RPRD1A: variants seen among roughly 807,000 people sequenced by gnomAD.
RPRD1A encodes regulation of nuclear pre-mRNA domain-containing protein 1A.
In RPRD1A, 9 loss-of-function variants were observed where a neutral mutation model predicts 37.8. That is an observed-to-expected ratio of 0.24 (90% confidence interval 0.14 to 0.42). RPRD1A has a LOEUF of 0.42. RPRD1A is among the 10% of genes least tolerant of loss of function. RPRD1A has a pLI of 1.00. For synonymous variants in RPRD1A, 138 were observed against 139.7 expected, an observed-to-expected ratio of 0.99 and a Z score of 0.08; for missense variants, 255 against 371.0, an observed-to-expected ratio of 0.69 and a Z score of 2.57.
At chr18:36,055,820 TAA>T (rs547844515) in intron 1 of RPRD1A, among the ~76,000 whole-genome samples, 13 of 151,846 alleles carry the variant, frequency 8.6e-5, no homozygotes, top group Admixed American at 2.0e-4. Context: ...GAAAACATAA[TAA>T]AGAGTATAAC....
intron 1 of RPRD1A, among the ~76,000 whole-genome samples, chr18:36,054,004 G>A (rs959544329): frequency 1.3e-5 from 2 of 152,162 alleles, no homozygotes; most frequent in African/African-American, 4.8e-5. Context: ...GAATGGGAAT[G>A]GGGGAAGATG....
At chr18:35,995,520 G>A (rs150094201) in intron 6 of RPRD1A, among the ~76,000 whole-genome samples, 166 of 152,110 alleles carry the variant, frequency 1.1e-3, no homozygotes, top group African/African-American at 3.7e-3. Flanking sequence ...CACCTGCCTT[G>A]GCCTCCCAAA....
intron 1 of RPRD1A, 150 bp from the exon 2 acceptor site, chr18:36,033,987 A>G: frequency 1.7e-6 from 1 of 576,312 alleles, no homozygotes; most frequent in Non-Finnish European, 2.8e-6. Flanking sequence ...TTACTACCAA[A>G]CTAACCAGTC....
chr18:36,024,582 T>A (rs967649315), intron 6 of RPRD1A, among the ~76,000 whole-genome samples: 3 of 152,192 alleles, frequency 2.0e-5, no homozygotes, highest in African/African-American at 7.2e-5. Flanking sequence ...AATAATGGCT[T>A]CCTTAAGAAA....
intron 6 of RPRD1A, among the ~76,000 whole-genome samples, chr18:36,007,043 TCTTTA>T (rs1909790402): frequency 6.6e-6 from 1 of 152,240 alleles, no homozygotes; most frequent in Admixed American, 6.5e-5. Flanking sequence ...TTTTTTCTTT[TCTTTA>T]CTTTCAGATT....
At chr18:36,048,990 C>T (rs1489102159) in intron 1 of RPRD1A, among the ~76,000 whole-genome samples, 1 of 152,222 alleles carries the variant, frequency 6.6e-6, no homozygotes, top group Non-Finnish European at 1.5e-5. Flanking sequence ...CAACCTCCGC[C>T]TCCCAGGTTC....
At chr18:36,008,473 G>C (rs1259653900) in intron 6 of RPRD1A, among the ~76,000 whole-genome samples, 2 of 149,242 alleles carry the variant, frequency 1.3e-5, no homozygotes, top group Non-Finnish European at 3.0e-5. Flanking sequence ...TTATTCAGGA[G>C]GCTGAGTAGT....
chr18:36,036,033 T>C (rs1912167621), intron 1 of RPRD1A, among the ~76,000 whole-genome samples: 1 of 152,058 alleles, frequency 6.6e-6, no homozygotes, highest in Admixed American at 6.5e-5. Context: ...TTAACACTAC[T>C]GGACTGTACA....
intron 6 of RPRD1A, among the ~76,000 whole-genome samples, chr18:36,000,858 T>C (rs1025747916): frequency 6.6e-6 from 1 of 152,210 alleles, no homozygotes; most frequent in Non-Finnish European, 1.5e-5. Context: ...GCTTTACCAT[T>C]ATGCTAACCT....
intron 6 of RPRD1A, among the ~76,000 whole-genome samples, chr18:36,016,913 G>T (rs1910625047): frequency 6.6e-6 from 1 of 151,978 alleles, no homozygotes; most frequent in Non-Finnish European, 1.5e-5. Flanking sequence ...TCTAAATCTT[G>T]CCAAAAGGTA....
intron 1 of RPRD1A, among the ~76,000 whole-genome samples, chr18:36,058,835 C>A (rs566598924): frequency 1.3e-5 from 2 of 152,268 alleles, no homozygotes; most frequent in East Asian, 3.9e-4. Flanking sequence ...CTCATTCTCT[C>A]ACAAGCGTAC....
chr18:36,061,817 AG>A (rs1375475171), intron 1 of RPRD1A, among the ~76,000 whole-genome samples: 1 of 152,216 alleles, frequency 6.6e-6, no homozygotes, highest in Non-Finnish European at 1.5e-5. Context: ...ATTTTAAAAT[AG>A]GCAGAATAGA....
chr18:36,018,204 G>A (rs1001970168), intron 6 of RPRD1A, among the ~76,000 whole-genome samples: 2 of 151,062 alleles, frequency 1.3e-5, no homozygotes, highest in African/African-American at 2.4e-5. Flanking sequence ...ATTTATTAAA[G>A]TATCATTCTT....
chr18:36,040,723 C>T lies in RPRD1A; in HGVS notation c.152-6886G>A, dbSNP rs1912521077. ...CATTTTTCTATGCAGTACCTCCTTACCCACATCTAATCATCCCTAAAAATT... is the reference window on the plus strand; with the variant it reads ...CATTTTTCTATGCAGTACCTCCTTATCCACATCTAATCATCCCTAAAAATT... On this transcript the variant is annotated intron_variant, in intron 1 of 6. Coordinates refer to ENST00000399022, the MANE Select transcript of RPRD1A (RefSeq NM_018170.5). 4.0e-6 allele frequency: 3 copies of T among 745,358 alleles called. No homozygotes were observed. In the Admixed American group the frequency reaches 8.7e-5, roughly 22 times the overall value. 46.2% of individuals were successfully genotyped at this position (745,358 alleles called of 1,614,324 possible). A position where few individuals can be genotyped will look rare whatever the true frequency, so the allele number is the denominator to read the frequency against.
At chr18:36,057,991 A>C (rs1913911837) in intron 1 of RPRD1A, among the ~76,000 whole-genome samples, 1 of 152,216 alleles carries the variant, frequency 6.6e-6, no homozygotes, top group Non-Finnish European at 1.5e-5. Flanking sequence ...CTTGTTCACT[A>C]AGACAGTAAG....
intron 6 of RPRD1A, among the ~76,000 whole-genome samples, chr18:36,010,216 C>A (rs1393181118): frequency 6.6e-6 from 1 of 151,988 alleles, no homozygotes; most frequent in Non-Finnish European, 1.5e-5. Flanking sequence ...ACCTGTAATG[C>A]CAGCACCTTT....
chr18:36,012,730 G>T (rs557669339), intron 6 of RPRD1A, among the ~76,000 whole-genome samples: 1 of 152,236 alleles, frequency 6.6e-6, no homozygotes, highest in East Asian at 1.9e-4. Flanking sequence ...ATTCACTATG[G>T]GTCTTGGAAA....
intron 6 of RPRD1A, among the ~76,000 whole-genome samples, chr18:36,017,404 A>G (rs1385187631): frequency 6.6e-6 from 1 of 152,096 alleles, no homozygotes; most frequent in Non-Finnish European, 1.5e-5. Flanking sequence ...CCCTACTGCT[A>G]ATCTCTCTCC....
chr18:36,046,597 G>A (rs114073929), intron 1 of RPRD1A, among the ~76,000 whole-genome samples: 2,002 of 152,038 alleles, frequency 0.013, 38 homozygotes, highest in African/African-American at 0.046. Flanking sequence ...TACGGAGGCC[G>A]GGGTGGGTGG....
Sources: gnomAD v4.1 joint callset for allele counts (sites outside exome capture counted in the v4.1 genomes callset) on GRCh38, gnomAD v4.1.1 for gene constraint, MANE v1.5 for transcripts, NCBI Gene and HGNC (gene_info 2026-07-23, HGNC 2026-07-21) for gene names.